Variants in KIF16B observed in about 807,000 individuals in gnomAD.
KIF16B encodes kinesin-like protein KIF16B.
KIF16B carries 98 observed loss-of-function variants against 156.3 expected under a neutral mutation model. The ratio of observed to expected loss-of-function variants is 0.63; its 90% CI spans 0.53 to 0.74. The LOEUF (loss-of-function observed/expected upper bound fraction) is 0.74, where lower values mean the gene tolerates loss of function less well. Among genes scored for constraint, KIF16B ranks in the 30% least tolerant of loss-of-function variants. The pLI is 0.00. For missense variants in KIF16B, 1,421 were observed against 1,606.5 expected (o/e 0.88, Z 1.97); for synonymous variants, 564 against 583.7 (o/e 0.97, Z 0.49).
At chr20:16,419,488 C>T (rs1411163321) in intron 15 of KIF16B, among the ~76,000 whole-genome samples, 2 of 152,158 alleles carry the variant, frequency 1.3e-5, no homozygotes, top group East Asian at 3.9e-4. Context: ...GTCTCCTCAG[C>T]TCCACTCTGC....
chr20:16,321,681 T>C (rs1303506702), intron 24 of KIF16B, among the ~76,000 whole-genome samples: 2 of 152,044 alleles, frequency 1.3e-5, no homozygotes, highest in African/African-American at 2.4e-5. Context: ...AGTATTCTCA[T>C]TTGAAGTAAG....
At chr20:16,552,540 TG>T (rs1346418848) in intron 1 of KIF16B, among the ~76,000 whole-genome samples, 2 of 152,106 alleles carry the variant, frequency 1.3e-5, no homozygotes, top group African/African-American at 4.8e-5. Flanking sequence ...GCCACAAGTC[TG>T]TTAGACCCAA....
intron 1 of KIF16B, among the ~76,000 whole-genome samples, chr20:16,536,041 T>A (rs977808219): frequency 6.6e-6 from 1 of 152,246 alleles, no homozygotes; most frequent in East Asian, 1.9e-4. Context: ...TGCACTCCCA[T>A]GTTTATTGAA....
chr20:16,476,347 T>C (rs971757057), intron 12 of KIF16B, among the ~76,000 whole-genome samples: 2 of 152,246 alleles, frequency 1.3e-5, no homozygotes, highest in African/African-American at 4.8e-5. Flanking sequence ...GATTAACCCA[T>C]TGAAAAGACA....
chr20:16,273,380 A>C lies in KIF16B; in HGVS notation c.3827T>G (p.Leu1276Arg). 1.2e-6 allele frequency: 2 copies of C among 1,614,088 alleles called. No individual in the cohort carries two copies. The highest frequency in any genetic ancestry group is 1.6e-4 in the Middle Eastern group (1 of 6,062). ...KYLRDFFSVM[L>R]QSATSPLHIN... Reference sequence around the variant, plus strand: ...GTGGAGGGGAGATGTTGCGGACTGGAGCATCACGCTGAAAAAGTCCCTGAG... The same window carrying C: ...GTGGAGGGGAGATGTTGCGGACTGGCGCATCACGCTGAAAAAGTCCCTGAG... The change falls in exon 26 of 26, where the codon CTC (leucine) becomes CGC (arginine). Residue 1276 changes from leucine (L) to arginine (R), a missense_variant. Transcript: ENST00000354981.
At chr20:16,378,223 AG>A (rs1193346116) in intron 19 of KIF16B, among the ~76,000 whole-genome samples, 1 of 151,968 alleles carries the variant, frequency 6.6e-6, no homozygotes, top group Non-Finnish European at 1.5e-5. Flanking sequence ...AAGAAAGGGC[AG>A]GGAAGTAGAG....
chr20:16,434,894 T>C (rs1428493941), intron 12 of KIF16B, among the ~76,000 whole-genome samples: 1 of 152,210 alleles, frequency 6.6e-6, no homozygotes, highest in South Asian at 2.1e-4. Flanking sequence ...ACAGCAGATG[T>C]CTGGGGGCTG....
chr20:16,523,702 A>T (rs2069432642), intron 3 of KIF16B, among the ~76,000 whole-genome samples: 1 of 152,202 alleles, frequency 6.6e-6, no homozygotes, highest in African/African-American at 2.4e-5. Flanking sequence ...TTCATATGGA[A>T]CCAAAAAAAC....
At chr20:16,497,422 AC>A (rs1373579421) in intron 11 of KIF16B, among the ~76,000 whole-genome samples, 190 bp downstream of exon 11, 1 of 152,182 alleles carries the variant, frequency 6.6e-6, no homozygotes, top group African/African-American at 2.4e-5. Flanking sequence ...CGTTTATTAA[AC>A]CACAGAGAAT....
At chr20:16,442,812 A>T (rs1369821540) in intron 12 of KIF16B, among the ~76,000 whole-genome samples, 2 of 152,108 alleles carry the variant, frequency 1.3e-5, no homozygotes, top group Admixed American at 1.3e-4. Flanking sequence ...CATTATCAGA[A>T]GGGAATTTAG....
chr20:16,345,274 C>T (rs1225784932), intron 23 of KIF16B, among the ~76,000 whole-genome samples: 1 of 152,164 alleles, frequency 6.6e-6, no homozygotes, highest in Non-Finnish European at 1.5e-5. Context: ...TTTTCTGTTC[C>T]TTGGTATCCT....
intron 19 of KIF16B, among the ~76,000 whole-genome samples, chr20:16,378,553 G>A (rs758305001): frequency 6.6e-6 from 1 of 152,098 alleles, no homozygotes; most frequent in Non-Finnish European, 1.5e-5. Flanking sequence ...ATGTACATGG[G>A]CTTTGCTTTT....
intron 15 of KIF16B, among the ~76,000 whole-genome samples, chr20:16,417,317 G>A (rs1432055571): frequency 1.3e-5 from 2 of 152,164 alleles, no homozygotes; most frequent in Non-Finnish European, 2.9e-5. Flanking sequence ...CCAACGGGTA[G>A]TACACCCACT....
At chr20:16,501,288 CCAAGAA>C in intron 10 of KIF16B, among the ~76,000 whole-genome samples, 2 of 91,240 alleles carry the variant, frequency 2.2e-5, no homozygotes, top group Non-Finnish European at 5.6e-5. Context: ...TGGTTCAATA[CCAAGAA>C]TTGAATTCTT....
At chr20:16,494,397 A>G (rs763322360) in intron 11 of KIF16B, 47 bp from the exon 12 acceptor site, 19 of 1,263,406 alleles carry the variant, frequency 1.5e-5, no homozygotes, top group Non-Finnish European at 2.0e-5. Flanking sequence ...AAGAAAGTTT[A>G]TAATTTTCTT....
rs763627579 is a variant in KIF16B at position 16,356,308 on chromosome 20, G to A, written c.3621+22C>T. ...CATAGTCTCCAACCTCCATTCTCCA[G>A]AAGAGTCAAGAAGACACTCACCTTG... On this transcript the variant is annotated intron_variant, in intron 23 of 25. Transcript: ENST00000354981. 3.1e-6 allele frequency: 5 copies of A among 1,613,806 alleles called. No individual in the cohort carries two copies. In the African/African-American group the frequency reaches 5.3e-5, roughly 17 times the overall value.
At chr20:16,544,791 T>C (rs1002374643) in intron 1 of KIF16B, among the ~76,000 whole-genome samples, 2 of 152,080 alleles carry the variant, frequency 1.3e-5, no homozygotes, top group African/African-American at 2.4e-5. Context: ...AGGCCAAAGA[T>C]GATGTCCTGC....
intron 12 of KIF16B, among the ~76,000 whole-genome samples, chr20:16,490,553 T>A (rs979232573): frequency 2.0e-5 from 3 of 151,340 alleles, no homozygotes; most frequent in African/African-American, 7.3e-5. Context: ...AAAATAAAAT[T>A]TAGAAAAACA....
intron 23 of KIF16B, among the ~76,000 whole-genome samples, chr20:16,345,491 T>G (rs1473865771): frequency 6.6e-6 from 1 of 152,210 alleles, no homozygotes; most frequent in East Asian, 1.9e-4. Flanking sequence ...CTGTAACTGT[T>G]TAAAGGTTTT....
Sources: gnomAD v4.1 joint callset for allele counts (sites outside exome capture counted in the v4.1 genomes callset) on GRCh38, gnomAD v4.1.1 for gene constraint, MANE v1.5 for transcripts, NCBI Gene and HGNC (gene_info 2026-07-23, HGNC 2026-07-21) for gene names.